Variants in GCC2 observed in about 807,000 individuals in gnomAD.
GCC2 encodes GRIP and coiled-coil domain-containing protein 2.
In GCC2, 120 loss-of-function variants were observed where a neutral mutation model predicts 210.6. The observed-to-expected ratio is 0.57, with a 90% CI of 0.49 to 0.66. GCC2 has a LOEUF of 0.66. GCC2 is among the 30% of genes least tolerant of loss of function. GCC2 has a pLI of 0.00. For synonymous variants in GCC2, 703 were observed against 652.7 expected, an observed-to-expected ratio of 1.08 and a Z score of -1.17; for missense variants, 1,868 against 1,871.9, an observed-to-expected ratio of 1.00 and a Z score of 0.04.
chr2:108,495,115 T>G (rs979403108), intron 19 of GCC2, 176 bp from the exon 20 acceptor site: 46 of 435,322 alleles, frequency 1.1e-4, no homozygotes, highest in Non-Finnish European at 1.6e-4. Context: ...CCAGCTTTGA[T>G]GACTAAATTT....
intron 11 of GCC2, 76 bp downstream of exon 11, chr2:108,482,527 C>T: frequency 1.4e-6 from 1 of 712,868 alleles, no homozygotes; most frequent in Non-Finnish European, 2.4e-6. Flanking sequence ...GAAGGGAAGA[C>T]TTACTAAGAG....
intron 4 of GCC2, among the ~76,000 whole-genome samples, chr2:108,456,642 C>G (rs1351229337): frequency 1.3e-5 from 2 of 152,074 alleles, no homozygotes; most frequent in Non-Finnish European, 2.9e-5. Flanking sequence ...AAGAGGTTGT[C>G]TTCTTCATGC....
intron 10 of GCC2, 67 bp downstream of exon 10, chr2:108,481,883 A>T: frequency 1.6e-6 from 2 of 1,225,486 alleles, no homozygotes; most frequent in Non-Finnish European, 2.3e-6. Context: ...TACTTTTTGC[A>T]TAAAAAATTT....
rs1681902239 is a variant in GCC2, at chr2:108,482,321, T to C, written c.3215T>C (p.Leu1072Pro). 1 of 1,587,896 alleles carries C rather than the reference T, an allele frequency of 6.3e-7. No individual in the cohort carries two copies. The highest frequency in any genetic ancestry group is 8.6e-7 in the Non-Finnish European group (1 of 1,162,734). Residue 1072 changes from leucine (L) to proline (P), a missense_variant, in exon 11 of 23, where the codon CTG (leucine) becomes CCG (proline). Transcript: ENST00000309863. ...ATAAATTCTGATAATGAAGATCTCC[T>C]GGCTCGTATTGAGACATTACAGTCT... is the stretch of plus-strand genomic sequence containing the variant. ...ETINSDNEDL[L>P]ARIETLQSNA... is the part of the protein sequence containing the mutation.
chr2:108,480,652 G>A lies in GCC2; in HGVS notation c.3061-1045G>A, dbSNP rs530641277. Among the ~76,000 whole-genome samples, 7 of 152,144 alleles carry A rather than the reference G, an allele frequency of 4.6e-5. No homozygotes were observed. The South Asian group carries it at 6.2e-4, about 14-fold the overall frequency. On this transcript the variant is annotated intron_variant, in intron 9 of 22. Coordinates refer to ENST00000309863, the MANE Select transcript of GCC2 (RefSeq NM_181453.4). ...ATCCTTAGCAAATTAATGGAGGAACGGAAAACTAAATACCACATGTTCTCA... is the reference window on the plus strand; with the variant it reads ...ATCCTTAGCAAATTAATGGAGGAACAGAAAACTAAATACCACATGTTCTCA...
At chr2:108,492,912 A>T (rs1204941204) in intron 19 of GCC2, 122 bp downstream of exon 19, 1 of 733,332 alleles carries the variant, frequency 1.4e-6, no homozygotes, top group Non-Finnish European at 2.3e-6. Context: ...CAAATCTGTG[A>T]TTAATGAATT....
intron 4 of GCC2, among the ~76,000 whole-genome samples, chr2:108,459,589 C>T (rs917312784): frequency 6.6e-6 from 1 of 151,556 alleles, no homozygotes; most frequent in East Asian, 1.9e-4. Context: ...GGTGAGTTTG[C>T]CCAGTACGAT....
At chr2:108,479,980 CAAAAAAAAAAAAA>C (rs200934785) in intron 9 of GCC2, among the ~76,000 whole-genome samples, 33 of 114,538 alleles carry the variant, frequency 2.9e-4, no homozygotes, top group Middle Eastern at 0.011. Flanking sequence ...GACTCCATCT[CAAAAAAAAAAAAA>C]AAAAAAAAAA....
chr2:108,453,183 T>A (rs866534329), intron 4 of GCC2, among the ~76,000 whole-genome samples: 1 of 152,208 alleles, frequency 6.6e-6, no homozygotes, highest in Non-Finnish European at 1.5e-5. Context: ...ACTTATCTCA[T>A]CAAACTCAAC....
At chr2:108,461,864 C>T (rs150859083) in intron 4 of GCC2, among the ~76,000 whole-genome samples, 2,999 of 121,696 alleles carry the variant, frequency 0.025, 56 homozygotes, top group African/African-American at 0.037. Flanking sequence ...GACAGAGTCT[C>T]GCTCTTTCGC....
At position 108,471,648 on chromosome 2, in the gene GCC2, CAGTG is replaced by C; in HGVS notation, c.2321_2324del (p.Ser774LysfsTer19). On this transcript the variant is annotated frameshift_variant, in exon 6 of 23. Coordinates refer to ENST00000309863, the MANE Select transcript of GCC2 (RefSeq NM_181453.4). LOFTEE classifies it high-confidence loss of function. ...AAATGGGATCAGAAGTTTCAGAAGA[CAGTG>C]AAGAGAAAGATGTTGTTAATGTCCT... 1.9e-6 allele frequency: 3 copies of C among 1,613,224 alleles called. No individual in the cohort carries two copies. Among genetic ancestry groups the C allele is most frequent in the African/African-American group, 1.3e-5 (1 of 74,990 alleles).
chr2:108,493,878 C>T, intron 19 of GCC2: 1 of 985,106 alleles, frequency 1.0e-6, no homozygotes. Flanking sequence ...TACCAGAAAC[C>T]CAGGAAAAAG....
At position 108,452,327 on chromosome 2, in the gene GCC2, T is replaced by A. The variant is rs916654895; in HGVS notation, c.149-72T>A. On this transcript the variant is annotated intron_variant, in intron 3 of 22. Coordinates refer to ENST00000309863, the MANE Select transcript of GCC2 (RefSeq NM_181453.4). Reference sequence around the variant, plus strand: ...AGATTTATGGGGGGTTTTGTGAGAATGTACTTATCAGTTTCCCAGTAATTA... The same window carrying A: ...AGATTTATGGGGGGTTTTGTGAGAAAGTACTTATCAGTTTCCCAGTAATTA... The A allele has an allele frequency of 6.1e-6, 5 of 824,804 alleles. No individual in the cohort carries two copies. In the Admixed American group the frequency reaches 7.4e-5, roughly 12 times the overall value. 51.1% of individuals were successfully genotyped at this position (824,804 alleles called of 1,614,324 possible).
intron 22 of GCC2, among the ~76,000 whole-genome samples, chr2:108,502,712 C>T (rs1682981997): frequency 6.6e-6 from 1 of 151,990 alleles, no homozygotes; most frequent in South Asian, 2.1e-4. Context: ...GTAGATCACC[C>T]AGGAGTTCTA....
chr2:108,466,087 A>G (rs1558735815), intron 4 of GCC2, among the ~76,000 whole-genome samples: 1 of 152,204 alleles, frequency 6.6e-6, no homozygotes, highest in African/African-American at 2.4e-5. Context: ...TATCCTTTTC[A>G]GAAATGTCTA....
At chr2:108,496,731 G>A in intron 20 of GCC2, 1 of 600,416 alleles carries the variant, frequency 1.7e-6, no homozygotes, top group Non-Finnish European at 2.8e-6. Flanking sequence ...TTTCAGAACT[G>A]GGACTCATAG....
At chr2:108,456,210 C>T (rs1276119509) in intron 4 of GCC2, among the ~76,000 whole-genome samples, 2 of 152,102 alleles carry the variant, frequency 1.3e-5, no homozygotes, top group South Asian at 4.1e-4. Flanking sequence ...TGGTCTCGAT[C>T]CCCTGACCAC....
At chr2:108,486,084 A>G (rs1479049970) in intron 15 of GCC2, among the ~76,000 whole-genome samples, 176 bp downstream of exon 15, 1 of 152,216 alleles carries the variant, frequency 6.6e-6, no homozygotes, top group Non-Finnish European at 1.5e-5. Context: ...ATTTGGCTCA[A>G]GCTAGATTAT....
In GCC2 at chr2:108,470,980, C is replaced by T. The variant is rs752787189; in HGVS notation, c.1651C>T (p.Gln551Ter). ...QGENEKLLSQ[Q>*]ELVPELENTI... is the part of the protein sequence containing the mutation. ...AGAAAATGAAAAGTTACTATCTCAACAAGAATTGGTACCAGAACTTGAAAA... is the reference window on the plus strand; with the variant it reads ...AGAAAATGAAAAGTTACTATCTCAATAAGAATTGGTACCAGAACTTGAAAA... The change falls in exon 6 of 23, where the codon CAA becomes TAA. Residue 551 changes from glutamine (Q) to a stop codon, truncating the protein, a stop_gained. Coordinates refer to ENST00000309863, the MANE Select transcript of GCC2 (RefSeq NM_181453.4). LOFTEE classifies it high-confidence loss of function. 4 of 1,612,962 alleles carry T rather than the reference C, an allele frequency of 2.5e-6. No homozygotes were observed.
Sources: allele counts gnomAD v4.1 joint callset (sites outside exome capture counted in the v4.1 genomes callset), GRCh38; gene constraint gnomAD v4.1.1; transcripts MANE v1.5; gene names NCBI Gene and HGNC (gene_info 2026-07-23, HGNC 2026-07-21).